The following CES4A variants were observed in gnomAD, a reference collection of about 807,000 sequenced individuals.
The protein encoded by CES4A is carboxylesterase 4A.
Under a neutral mutation model 65.4 loss-of-function variants are expected in CES4A, and 48 were observed. That is an observed-to-expected ratio of 0.73 (90% CI 0.58 to 0.93). The LOEUF (loss-of-function observed/expected upper bound fraction) is 0.93. Ranked by LOEUF, CES4A falls within the 40% of genes least tolerant of loss-of-function variation. The pLI, the probability that CES4A is intolerant of heterozygous loss-of-function variation, is 0.00. For missense variants in CES4A, 685 were observed against 728.5 expected (o/e 0.94, Z 0.69); for synonymous variants, 247 against 281.8 (o/e 0.88, Z 1.24).
rs370544352 is a variant in CES4A, at chr16:66,988,851, C to T, written c.58+21C>T. 180 of 1,554,378 alleles carry T rather than the reference C, an allele frequency of 1.2e-4. No homozygotes were observed. In the African/African-American group the frequency reaches 1.9e-3, roughly 17 times the overall value. On this transcript the variant is annotated intron_variant, in intron 1 of 13. Coordinates refer to ENST00000648724, the Ensembl canonical transcript of CES4A. The stretch of plus-strand genomic sequence containing the variant: ...CTTGGGTAAGACCCCCACCCCTTCC[C>T]GAGAGTGTCAGGCAAGACGGGCACA...
intron 1 of CES4A, among the ~76,000 whole-genome samples, chr16:66,993,065 C>T (rs554310387): frequency 3.3e-5 from 5 of 152,086 alleles, no homozygotes; most frequent in African/African-American, 4.8e-5. Flanking sequence ...GAGGCTTCAA[C>T]GACTCTTGGC....
chr16:66,989,077 T>G (rs1964170868), intron 1 of CES4A, among the ~76,000 whole-genome samples: 1 of 152,206 alleles, frequency 6.6e-6, no homozygotes, highest in Non-Finnish European at 1.5e-5. Flanking sequence ...TGAAGGGGTC[T>G]GAGAACATGG....
At chr16:66,994,125 T>C (rs1025249323) in intron 1 of CES4A, among the ~76,000 whole-genome samples, 3 of 151,840 alleles carry the variant, frequency 2.0e-5, no homozygotes, top group Non-Finnish European at 4.4e-5. Flanking sequence ...GGTGTAGCTA[T>C]ATTAATATCA....
At chr16:66,998,547 A>G (rs999157301) in intron 2 of CES4A, among the ~76,000 whole-genome samples, 6 of 152,152 alleles carry the variant, frequency 3.9e-5, no homozygotes, top group African/African-American at 1.4e-4. Flanking sequence ...ATGTCACTGC[A>G]TTGCTGCCTG....
At chr16:66,995,520 C>T (rs1340524097) in intron 1 of CES4A, 108 bp from the exon 2 acceptor site, 5 of 923,326 alleles carry the variant, frequency 5.4e-6, no homozygotes, top group African/African-American at 4.9e-5. Flanking sequence ...CCCTTTTCCC[C>T]TCTCTTTCCA....
chr16:67,008,851 A>G, intron 13 of CES4A, 123 bp from the exon 14 acceptor site: 3 of 941,406 alleles, frequency 3.2e-6, no homozygotes, highest in Non-Finnish European at 4.9e-6. Flanking sequence ...AGTTCTAAGT[A>G]TCATCTCCGT....
rs769430662 is a variant in CES4A, at chr16:67,001,022, C to G, written c.536+32C>G. ...GGGCCGGTACCCTTTGGGACCGCAG[C>G]TGTGGCCAGAGCGGCGGGGACTGGG... is the stretch of plus-strand genomic sequence containing the variant. On this transcript the variant is annotated intron_variant, in intron 4 of 13. Coordinates refer to ENST00000648724, the Ensembl canonical transcript of CES4A. The surrounding 1 kb of genome is among the most constrained non-coding windows in gnomAD (Gnocchi z 4.1). 1 of 1,389,554 alleles carries G rather than the reference C, an allele frequency of 7.2e-7. No homozygotes were observed. The highest frequency in any genetic ancestry group is 4.1e-5 in the East Asian group (1 of 24,430). The allele number at this position is 1,389,554 out of a possible 1,614,324, so 86.1% of individuals were successfully genotyped here.
In CES4A at chr16:67,000,652, C is replaced by G. The variant is rs537538592; in HGVS notation, c.275C>G (p.Ser92Cys). ...GGTGCCCGCAGGTGCCTGCAGGAGT[C>G]CTGGGGCCAGCTGGCCTCGATGTAC... Residue 92 changes from serine to cysteine, a missense_variant, in exon 3 of 14, where the codon TCC becomes TGC. Ser to Cys is a moderately radical substitution (Grantham distance 112). Transcript: ENST00000648724. The surrounding 1 kb of genome is among the most constrained non-coding windows in gnomAD (Gnocchi z 4.2). 7 of 1,548,766 alleles carry G rather than the reference C, an allele frequency of 4.5e-6. No individual in the cohort carries two copies. Among genetic ancestry groups the G allele is most frequent in the Non-Finnish European group, 6.1e-6 (7 of 1,146,360 alleles).
At chr16:66,990,401 T>A (rs1964297735) in intron 1 of CES4A, among the ~76,000 whole-genome samples, 1 of 152,150 alleles carries the variant, frequency 6.6e-6, no homozygotes, top group Non-Finnish European at 1.5e-5. Flanking sequence ...ACTATTAGAA[T>A]GTACACAATT....
chr16:66,992,938 G>A lies in CES4A; in HGVS notation c.59-2690G>A, dbSNP rs150398352. Among the ~76,000 whole-genome samples the A allele has an allele frequency of 5.5e-4, 83 of 152,130 alleles. No individual in the cohort carries two copies. In the East Asian group the frequency reaches 0.013, roughly 23 times the overall value. On this transcript the variant is annotated intron_variant, in intron 1 of 13. Coordinates refer to ENST00000648724, the Ensembl canonical transcript of CES4A. ...TGACCTCAGGTGATCCACCCGCCTC[G>A]GCCTCCCAAAGTTCTGGGCTTATAG... is the stretch of plus-strand genomic sequence containing the variant.
At chr16:66,995,825 C>T in exon 2 of CES4A, 2 of 1,613,190 alleles carry the variant, frequency 1.2e-6, no homozygotes, top group Non-Finnish European at 1.7e-6. Context: ...CACCTACCCG[C>T]CTGGGTAAGA....
At position 67,003,677 on chromosome 16, in the gene CES4A, G is replaced by A. The variant is rs1372355513; in HGVS notation, c.939+124G>A. 1.1e-5 allele frequency: 9 copies of A among 803,348 alleles called. No homozygotes were observed. In the East Asian group the frequency reaches 2.0e-4, roughly 17 times the overall value. 49.8% of individuals were successfully genotyped at this position (803,348 alleles called of 1,614,324 possible). A position where few individuals can be genotyped will look rare whatever the true frequency, so the allele number is the denominator to read the frequency against. On this transcript the variant is annotated intron_variant, in intron 8 of 13. Transcript: ENST00000648724. This position sits in a 1 kb window ranked among gnomAD's most constrained non-coding sequence, Gnocchi z 4.2. ...CCCTAGTGGAGCTGATGTTCCAGTG[G>A]GGAAGGAGAATAAACCCTATAAATA...
intron 5 of CES4A, among the ~76,000 whole-genome samples, chr16:67,002,465 G>T (rs1163738868): frequency 6.6e-6 from 1 of 152,140 alleles, no homozygotes; most frequent in Non-Finnish European, 1.5e-5. Flanking sequence ...TAAAGCAGGG[G>T]CAGGAAAGAT....
rs1966004843 is a variant in CES4A at position 67,009,218 on chromosome 16, T to C, written c.*76T>C. ...GCCCTGGGGAGACTAGCCATGGACA[T>C]ACCTGGGGACAAGAGTTCTACCCAC... On this transcript the variant is annotated 3_prime_UTR_variant, in exon 14 of 14. Coordinates refer to ENST00000648724, the Ensembl canonical transcript of CES4A. 1.1e-5 allele frequency: 16 copies of C among 1,407,294 alleles called. No homozygotes were observed. The South Asian group carries it at 1.9e-4, about 17-fold the overall frequency. 87.2% of individuals were successfully genotyped at this position (1,407,294 alleles called of 1,614,324 possible).
Position 67,003,460 on chromosome 16 carries a change from C to A in CES4A, c.901-55C>A. 6.3e-7 allele frequency: 1 copy of A among 1,596,572 alleles called. No individual in the cohort carries two copies. Among genetic ancestry groups the A allele is most frequent in the African/African-American group, 1.3e-5 (1 of 74,704 alleles). On this transcript the variant is annotated intron_variant, in intron 7 of 13. Transcript: ENST00000648724. This position sits in a 1 kb window ranked among gnomAD's most constrained non-coding sequence, Gnocchi z 4.2. Reference sequence around the variant, plus strand: ...AACTACTTCCCCAGGGACCCTGTCTCAAGAGCACACGAGGGAGACTTCCTT... The same window carrying A: ...AACTACTTCCCCAGGGACCCTGTCTAAAGAGCACACGAGGGAGACTTCCTT...
exon 14 of CES4A, chr16:67,009,585 C>T: frequency 6.2e-6 from 1 of 161,302 alleles, no homozygotes; most frequent in Non-Finnish European, 1.4e-5. Context: ...CCTGTCTGTT[C>T]ACATTGGCCT....
exon 1 of CES4A, chr16:66,988,778 G>A (rs1964147769): frequency 1.9e-6 from 3 of 1,565,084 alleles, no homozygotes; most frequent in Admixed American, 1.9e-5. Context: ...GGAGCATGAG[G>A]TGGATTCTGT....
chr16:67,006,551 G>A (rs781779424), intron 12 of CES4A, 32 bp downstream of exon 12: 9 of 1,545,616 alleles, frequency 5.8e-6, no homozygotes, highest in Non-Finnish European at 7.8e-6. Flanking sequence ...CCCCAACTGG[G>A]TGTCCAGTCT....
At chr16:66,994,839 C>CAA (rs530758138) in intron 1 of CES4A, among the ~76,000 whole-genome samples, 2,743 of 126,108 alleles carry the variant, frequency 0.022, 85 homozygotes, top group South Asian at 0.08. Flanking sequence ...AACTCCATCT[C>CAA]AAAAAAAAAA....
Sources: allele counts gnomAD v4.1 joint callset (sites outside exome capture counted in the v4.1 genomes callset), GRCh38; gene constraint gnomAD v4.1.1; non-coding constraint Gnocchi (gnomAD v3.1); transcripts MANE v1.5; gene names NCBI Gene and HGNC (gene_info 2026-07-23, HGNC 2026-07-21).